CCDC6: variants seen among roughly 807,000 people sequenced by gnomAD.
CCDC6 encodes coiled-coil domain containing 6, also known as coiled-coil domain-containing protein 6.
A neutral mutation model predicts 56.6 loss-of-function variants in CCDC6; 20 were observed. That is an observed-to-expected ratio of 0.35 (90% confidence interval 0.25 to 0.51). CCDC6 has a LOEUF of 0.51. Among genes scored for constraint, CCDC6 ranks in the 20% least tolerant of loss-of-function variants. The probability of loss-of-function intolerance (pLI) is 0.95; values close to 1 mark genes in which losing one functional copy is unlikely to be tolerated. For missense variants in CCDC6, 367 were observed against 601.1 expected (o/e 0.61, Z 4.07); for synonymous variants, 241 against 234.4 (o/e 1.03, Z -0.26).
intron 1 of CCDC6, among the ~76,000 whole-genome samples, chr10:59,883,489 T>C (rs745766852): frequency 2.0e-5 from 3 of 152,220 alleles, no homozygotes; most frequent in Non-Finnish European, 4.4e-5. Context: ...CCTCTCGCAC[T>C]GTATTTAGAA....
chr10:59,894,492 C>T (rs935328733), intron 1 of CCDC6, among the ~76,000 whole-genome samples: 1 of 152,166 alleles, frequency 6.6e-6, no homozygotes, highest in Non-Finnish European at 1.5e-5. Context: ...AGGGGCCCAC[C>T]ACCAATGCCA....
chr10:59,820,629 TC>T (rs2070742426), intron 3 of CCDC6, among the ~76,000 whole-genome samples: 1 of 152,040 alleles, frequency 6.6e-6, no homozygotes, highest in African/African-American at 2.4e-5. Flanking sequence ...GTGCTTCCAG[TC>T]CCAGCTACTC....
chr10:59,823,942 C>T (rs956978848), intron 3 of CCDC6, among the ~76,000 whole-genome samples: 4 of 152,228 alleles, frequency 2.6e-5, no homozygotes, highest in Admixed American at 6.5e-5. Flanking sequence ...TTCAATTTAA[C>T]ATGCAAGGTC....
chr10:59,841,275 G>A (rs569352707), intron 2 of CCDC6, among the ~76,000 whole-genome samples: 1 of 152,234 alleles, frequency 6.6e-6, no homozygotes, highest in Admixed American at 6.5e-5. Context: ...AATCTATTTG[G>A]CTAGCTTCTT....
chr10:59,852,140 T>G (rs529128722), intron 2 of CCDC6, among the ~76,000 whole-genome samples: 1 of 152,346 alleles, frequency 6.6e-6, no homozygotes, highest in South Asian at 2.1e-4. Context: ...TTCCTAAAGA[T>G]GTTTCACTTC....
intron 1 of CCDC6, among the ~76,000 whole-genome samples, chr10:59,869,429 GA>G (rs71006295): frequency 0.68 from 71,534 of 104,658 alleles, 22,001 homozygotes; most frequent in East Asian, 0.8. Context: ...ACAGAAAAAA[GA>G]AAAAAAAAAA....
At position 59,906,547 on chromosome 10, in the gene CCDC6, G is replaced by A; in HGVS notation, c.-123C>T. 4 of 813,422 alleles carry A rather than the reference G, an allele frequency of 4.9e-6. No homozygotes were observed. Among genetic ancestry groups the A allele is most frequent in the South Asian group, 2.1e-5 (1 of 47,856 alleles). The allele number at this position is 813,422 out of a possible 1,614,324, so 50.4% of individuals were successfully genotyped here. ...GCGCCGAGCTGAGCGCCTGGCACCA[G>A]GGCGCAGACTCGGAGCGGCGGCGAG... is the stretch of plus-strand genomic sequence containing the variant. On this transcript the variant is annotated 5_prime_UTR_variant, in exon 1 of 9. Coordinates refer to ENST00000263102, the MANE Select transcript of CCDC6 (RefSeq NM_005436.5).
At chr10:59,842,998 C>A (rs565592262) in intron 2 of CCDC6, among the ~76,000 whole-genome samples, 5 of 152,062 alleles carry the variant, frequency 3.3e-5, no homozygotes, top group Non-Finnish European at 7.3e-5. Context: ...CGTGATCCAC[C>A]TGCCTCGGCC....
intron 1 of CCDC6, among the ~76,000 whole-genome samples, chr10:59,888,997 C>T (rs1039825878): frequency 6.6e-6 from 1 of 151,950 alleles, no homozygotes; most frequent in African/African-American, 2.4e-5. Flanking sequence ...GCCATTTCTC[C>T]TCCCAGGGTA....
At position 59,793,000 on chromosome 10, in the gene CCDC6, G is replaced by A; in HGVS notation, c.1342C>T (p.Pro448Ser). 2 of 1,613,474 alleles carry A rather than the reference G, an allele frequency of 1.2e-6. No individual in the cohort carries two copies. The highest frequency in any genetic ancestry group is 1.7e-6 in the Non-Finnish European group (2 of 1,179,456). Residue 448 changes from proline (P) to serine (S), a missense_variant, in exon 9 of 9, where the codon CCC becomes TCC. Transcript: ENST00000263102. ...VQPPPPPPPP[P>S]MQPTVPSAAT... ...GCTGAGGGGACCGTGGGCTGCATGGGTGGCGGAGGTGGAGGCGGAGGTGGC... is the reference window on the plus strand; with the variant it reads ...GCTGAGGGGACCGTGGGCTGCATGGATGGCGGAGGTGGAGGCGGAGGTGGC...
At chr10:59,851,350 A>G (rs1160391651) in intron 2 of CCDC6, among the ~76,000 whole-genome samples, 1 of 152,178 alleles carries the variant, frequency 6.6e-6, no homozygotes, top group Non-Finnish European at 1.5e-5. Flanking sequence ...AAATGAATAA[A>G]CAAAAAGTTT....
intron 2 of CCDC6, among the ~76,000 whole-genome samples, chr10:59,851,131 G>GAAAAAAAAA (rs372606692): frequency 2.4e-4 from 11 of 46,754 alleles, no homozygotes; most frequent in Admixed American, 3.1e-4. Context: ...CATGTAAATT[G>GAAAAAAAAA]AAAAAAAAAA....
At chr10:59,906,011 A>T (rs1388919433) in intron 1 of CCDC6, 111 bp downstream of exon 1, 1 of 958,474 alleles carries the variant, frequency 1.0e-6, no homozygotes, top group Non-Finnish European at 1.5e-6. Context: ...GTGTGCTCTC[A>T]GAGGGTCCCC....
chr10:59,862,808 G>C (rs868656068), intron 1 of CCDC6, among the ~76,000 whole-genome samples: 1 of 152,016 alleles, frequency 6.6e-6, no homozygotes, highest in Non-Finnish European at 1.5e-5. Context: ...GTATATGGCA[G>C]TGTACATTGG....
intron 4 of CCDC6, among the ~76,000 whole-genome samples, chr10:59,813,190 T>C (rs555156729): frequency 2.9e-4 from 44 of 152,306 alleles, no homozygotes; most frequent in Admixed American, 1.6e-3. Context: ...CTTACGGCTT[T>C]TGATTGAAGC....
intron 1 of CCDC6, among the ~76,000 whole-genome samples, chr10:59,892,235 T>G (rs1232403115): frequency 6.6e-6 from 1 of 152,210 alleles, no homozygotes; most frequent in Non-Finnish European, 1.5e-5. Flanking sequence ...CTGCCGATAG[T>G]ACTAAAGTCA....
At chr10:59,897,378 C>T (rs1241401504) in intron 1 of CCDC6, among the ~76,000 whole-genome samples, 1 of 151,956 alleles carries the variant, frequency 6.6e-6, no homozygotes, top group Non-Finnish European at 1.5e-5. Flanking sequence ...CTCAGCCTCC[C>T]GAGTAGCTGG....
At chr10:59,876,234 A>G (rs774184444) in intron 1 of CCDC6, among the ~76,000 whole-genome samples, 20 of 151,906 alleles carry the variant, frequency 1.3e-4, no homozygotes, top group Non-Finnish European at 2.8e-4. Flanking sequence ...TTTTTAGTAG[A>G]GACGGGGTTT....
At chr10:59,887,309 CATAAGGAAATGGTTGA>C (rs2071389319) in intron 1 of CCDC6, among the ~76,000 whole-genome samples, 1 of 152,048 alleles carries the variant, frequency 6.6e-6, no homozygotes, top group Admixed American at 6.5e-5. Flanking sequence ...ATTGAGTCAA[CATAAGGAAATGGTTGA>C]AGAGAGTGGC....
Sources: gnomAD v4.1 joint callset for allele counts (sites outside exome capture counted in the v4.1 genomes callset) on GRCh38, gnomAD v4.1.1 for gene constraint, MANE v1.5 for transcripts, NCBI Gene and HGNC (gene_info 2026-07-23, HGNC 2026-07-21) for gene names.